DISC1: variants seen among roughly 807,000 people sequenced by gnomAD.
The protein encoded by DISC1 is disrupted in schizophrenia 1 protein.
Under a neutral mutation model 84.5 loss-of-function variants are expected in DISC1, and 57 were observed. The ratio of observed to expected loss-of-function variants is 0.67; its 90% CI spans 0.55 to 0.84. DISC1 has a LOEUF of 0.84. Among genes scored for constraint, DISC1 ranks in the 40% least tolerant of loss-of-function variants. DISC1 has a pLI of 0.00. For missense variants in DISC1, 1,000 were observed against 1,057.8 expected, an observed-to-expected ratio of 0.95 and a Z score of 0.76; for synonymous variants, 411 against 415.2, an observed-to-expected ratio of 0.99 and a Z score of 0.12.
intron 6 of DISC1, among the ~76,000 whole-genome samples, chr1:231,787,424 T>C (rs969307640): frequency 1.3e-5 from 2 of 151,080 alleles, no homozygotes; most frequent in African/African-American, 4.9e-5. Context: ...GCATGTGTGC[T>C]AGAGAGAGCG....
chr1:231,704,966 G>T (rs979245825), intron 3 of DISC1, among the ~76,000 whole-genome samples: 21 of 151,926 alleles, frequency 1.4e-4, no homozygotes, highest in Admixed American at 8.5e-4. Context: ...GCATCTCAAG[G>T]AGTATGCAGT....
At chr1:231,875,037 A>G (rs988926230) in intron 9 of DISC1, among the ~76,000 whole-genome samples, 3 of 152,170 alleles carry the variant, frequency 2.0e-5, no homozygotes, top group African/African-American at 7.2e-5. Flanking sequence ...CAGGCAGAGC[A>G]TCATCAGGAT....
At chr1:231,982,644 A>G (rs1391707496) in intron 10 of DISC1, among the ~76,000 whole-genome samples, 4 of 152,216 alleles carry the variant, frequency 2.6e-5, no homozygotes, top group Non-Finnish European at 5.9e-5. Context: ...ACTGGACAGT[A>G]CTACTTTAGA....
At chr1:231,723,729 GCAGACAGA>G in intron 3 of DISC1, 1 of 985,306 alleles carries the variant, frequency 1.0e-6, no homozygotes, top group Non-Finnish European at 1.2e-6. Flanking sequence ...CCCTTCCCTG[GCAGACAGA>G]CTTCTGCAGC....
At chr1:231,963,232 T>G (rs1211785368) in intron 10 of DISC1, among the ~76,000 whole-genome samples, 1 of 150,124 alleles carries the variant, frequency 6.7e-6, no homozygotes, top group Non-Finnish European at 1.5e-5. Context: ...CTTGTTCCCT[T>G]ATGCTTCCCA....
In DISC1 at chr1:231,782,098, A is replaced by G. The variant is rs1055629448; in HGVS notation, c.1634+11028A>G. 2.6e-5 allele frequency among the ~76,000 whole-genome samples: 4 copies of G among 152,246 alleles called. No individual in the cohort carries two copies. The East Asian group carries it at 7.7e-4, about 29-fold the overall frequency. ...TTCAGTGGGGGGTGCTGTGTCTTAT[A>G]TAGAGATCGTTGTTAAACATTCATC... is the stretch of plus-strand genomic sequence containing the variant. On this transcript the variant is annotated intron_variant, in intron 6 of 12. Coordinates refer to ENST00000439617, the MANE Select transcript of DISC1 (RefSeq NM_018662.3).
intron 12 of DISC1, among the ~76,000 whole-genome samples, chr1:232,035,497 CT>C (rs1176074974): frequency 3.9e-5 from 6 of 152,122 alleles, no homozygotes; most frequent in African/African-American, 9.7e-5. Flanking sequence ...GTAAGGGTGT[CT>C]TTTTCTCTTT....
chr1:231,996,452 T>C (rs1665974342), intron 10 of DISC1, among the ~76,000 whole-genome samples: 1 of 152,236 alleles, frequency 6.6e-6, no homozygotes, highest in African/African-American at 2.4e-5. Flanking sequence ...CTAGGTTCTC[T>C]TCTAGGGTTT....
intron 8 of DISC1, among the ~76,000 whole-genome samples, chr1:231,807,737 T>C (rs561866415): frequency 4.6e-5 from 7 of 152,334 alleles, no homozygotes; most frequent in Admixed American, 4.6e-4. Flanking sequence ...AGCCTCACTG[T>C]GTGTTGGCAG....
intron 9 of DISC1, among the ~76,000 whole-genome samples, chr1:231,872,379 A>G (rs560809163): frequency 9.0e-4 from 137 of 152,114 alleles, no homozygotes; most frequent in South Asian, 6.2e-4. Context: ...CCTTTTATTG[A>G]TTTAATGAAA....
chr1:231,838,645 G>A (rs12087793), intron 9 of DISC1, among the ~76,000 whole-genome samples: 37,769 of 152,104 alleles, frequency 0.25, 4,925 homozygotes, highest in East Asian at 0.35. Context: ...TATATCTCAC[G>A]TTCTGTTTGT....
At position 231,907,591 on chromosome 1, in the gene DISC1, G is replaced by T. The variant is rs547629611; in HGVS notation, c.1982-51237G>T. 3.9e-5 allele frequency among the ~76,000 whole-genome samples: 6 copies of T among 152,284 alleles called. No homozygotes were observed. The East Asian group carries it at 1.2e-3, about 29-fold the overall frequency. On this transcript the variant is annotated intron_variant, in intron 9 of 12. Transcript: ENST00000439617. ...CAGTCTATCATTGATGGATATTTGGGTTGGTTCCAAGTCTGCTATTGTGAA... is the reference window on the plus strand; with the variant it reads ...CAGTCTATCATTGATGGATATTTGGTTTGGTTCCAAGTCTGCTATTGTGAA...
At chr1:231,903,984 G>C (rs2088418505) in intron 9 of DISC1, among the ~76,000 whole-genome samples, 1 of 152,218 alleles carries the variant, frequency 6.6e-6, no homozygotes, top group African/African-American at 2.4e-5. Context: ...CTGCTTTGGA[G>C]CAGGAAAGGG....
chr1:231,797,021 A>T (rs1292521516), intron 7 of DISC1, among the ~76,000 whole-genome samples: 1 of 152,174 alleles, frequency 6.6e-6, no homozygotes, highest in African/African-American at 2.4e-5. Flanking sequence ...GGCCTCTCTT[A>T]CATTTTCTGC....
At chr1:231,802,864 A>G (rs2079386829) in intron 8 of DISC1, among the ~76,000 whole-genome samples, 1 of 150,908 alleles carries the variant, frequency 6.6e-6, no homozygotes, top group African/African-American at 2.4e-5. Context: ...TTTCTGATAT[A>G]TTTTTCTTAC....
intron 9 of DISC1, among the ~76,000 whole-genome samples, chr1:231,949,655 C>T (rs1387928386): frequency 6.6e-6 from 1 of 152,152 alleles, no homozygotes; most frequent in East Asian, 1.9e-4. Flanking sequence ...GGGGCGCCAT[C>T]CTTGGCCACT....
intron 9 of DISC1, among the ~76,000 whole-genome samples, chr1:231,922,038 T>C (rs572633576): frequency 1.3e-5 from 2 of 152,290 alleles, no homozygotes; most frequent in African/African-American, 2.4e-5. Context: ...TTCTACATGA[T>C]TGAGGTTAAT....
At chr1:231,788,733 T>A (rs1022658691) in intron 6 of DISC1, among the ~76,000 whole-genome samples, 1 of 152,192 alleles carries the variant, frequency 6.6e-6, no homozygotes, top group Non-Finnish European at 1.5e-5. Context: ...TTCTCTGTCA[T>A]GCAAAGCTTC....
intron 1 of DISC1, among the ~76,000 whole-genome samples, chr1:231,658,271 G>T (rs2061302321): frequency 3.3e-5 from 5 of 152,070 alleles, no homozygotes; most frequent in Admixed American, 3.3e-4. Context: ...TTATGATTTG[G>T]CTCTTTGATT....
Sources: allele counts gnomAD v4.1 joint callset (sites outside exome capture counted in the v4.1 genomes callset), GRCh38; gene constraint gnomAD v4.1.1; transcripts MANE v1.5; gene names NCBI Gene and HGNC (gene_info 2026-07-23, HGNC 2026-07-21).